Variants in PKHD1 observed in about 807,000 individuals in gnomAD.
PKHD1 encodes the protein PKHD1 ciliary IPT domain containing fibrocystin/polyductin.
Under a neutral mutation model 412.0 loss-of-function variants are expected in PKHD1, and 291 were observed. That is an observed-to-expected ratio of 0.71 (90% CI 0.64 to 0.78). PKHD1 has a LOEUF of 0.78. Ranked by LOEUF, PKHD1 falls within the 30% of genes least tolerant of loss-of-function variation. PKHD1 has a pLI of 0.00. For synonymous variants in PKHD1, 1,777 were observed against 1,821.5 expected, an observed-to-expected ratio of 0.98 and a Z score of 0.62; for missense variants, 4,825 against 4,950.7, an observed-to-expected ratio of 0.97 and a Z score of 0.76.
chr6:52,074,254 T>A (rs1461376449), intron 6 of PKHD1, among the ~76,000 whole-genome samples: 2 of 152,224 alleles, frequency 1.3e-5, no homozygotes, highest in Non-Finnish European at 2.9e-5. Flanking sequence ...ACAAAAAAGA[T>A]GTTCCCTTCC....
chr6:52,056,929 G>A lies in PKHD1; in HGVS notation c.1563C>T (p.Val521=), dbSNP rs768003317. The A allele has an allele frequency of 6.2e-7, 1 of 1,613,972 alleles. No individual in the cohort carries two copies. The highest frequency in any genetic ancestry group is 1.1e-5 in the South Asian group (1 of 91,074). Residue 521 remains valine, a synonymous_variant, in exon 17 of 67, where the codon GTC becomes GTT. Transcript: ENST00000371117. ...CATTTGCAGGGATTGGCTGACTAGA[G>A]ACATTGTCCCAAGTAAGGAAGAAGT... ...RGNFFLTWDN[V]SSQPIPANAT... is the part of the protein sequence containing the mutation.
At chr6:52,034,193 A>ATG (rs1803553044) in intron 28 of PKHD1, among the ~76,000 whole-genome samples, 2 of 146,274 alleles carry the variant, frequency 1.4e-5, no homozygotes, top group Non-Finnish European at 3.0e-5. Context: ...AAAAAAAAAA[A>ATG]GAACTATAAA....
At chr6:51,812,161 C>G (rs2151400804) in intron 52 of PKHD1, among the ~76,000 whole-genome samples, 1 of 152,264 alleles carries the variant, frequency 6.6e-6, no homozygotes, top group South Asian at 2.1e-4. Flanking sequence ...ATTACTTATC[C>G]TCTAAGCTAG....
At chr6:51,955,207 T>A (rs866094141) in intron 36 of PKHD1, among the ~76,000 whole-genome samples, 1,484 of 144,554 alleles carry the variant, frequency 0.01, 25 homozygotes, top group African/African-American at 0.033. Flanking sequence ...ATTTTTTTTT[T>A]AAAAAAGGGA....
At chr6:52,020,051 T>C (rs571562961) in intron 33 of PKHD1, among the ~76,000 whole-genome samples, 1 of 152,212 alleles carries the variant, frequency 6.6e-6, no homozygotes, top group South Asian at 2.1e-4. Context: ...ACCTGGAATG[T>C]GAAACATCAC....
chr6:51,680,652 C>T (rs1041473947), intron 60 of PKHD1, among the ~76,000 whole-genome samples: 4 of 152,016 alleles, frequency 2.6e-5, no homozygotes, highest in Admixed American at 6.6e-5. Flanking sequence ...CAGTAATCAA[C>T]ATGAACAATA....
intron 52 of PKHD1, among the ~76,000 whole-genome samples, chr6:51,791,655 C>T (rs1793769928): frequency 6.6e-6 from 1 of 152,322 alleles, no homozygotes; most frequent in South Asian, 2.1e-4. Flanking sequence ...AGTGGAAACA[C>T]ACAGATCGAA....
chr6:51,722,384 A>G (rs1782035815), intron 60 of PKHD1, among the ~76,000 whole-genome samples: 1 of 152,168 alleles, frequency 6.6e-6, no homozygotes, highest in African/African-American at 2.4e-5. Context: ...ATATAAACGA[A>G]AGTTTGCACA....
intron 40 of PKHD1, among the ~76,000 whole-genome samples, chr6:51,907,612 C>A (rs183324505): frequency 3.0e-4 from 46 of 152,224 alleles, no homozygotes; most frequent in Non-Finnish European, 4.4e-4. Context: ...ATGTAACAAA[C>A]CTGCACATCC....
At chr6:51,830,542 A>G (rs1178500640) in intron 52 of PKHD1, among the ~76,000 whole-genome samples, 1 of 152,182 alleles carries the variant, frequency 6.6e-6, no homozygotes, top group Non-Finnish European at 1.5e-5. Context: ...TTTCAAACTT[A>G]AGGATACTAG....
chr6:51,626,977 T>C lies in PKHD1; in HGVS notation c.11785+20A>G. The C allele has an allele frequency of 6.2e-7, 1 of 1,612,888 alleles. No homozygotes were observed. Among genetic ancestry groups the C allele is most frequent in the Non-Finnish European group, 8.5e-7 (1 of 1,179,056 alleles). On this transcript the variant is annotated intron_variant, in intron 66 of 66. Transcript: ENST00000371117. ...CAGTGGGTCTCTCCTGTGGGGATCA[T>C]CTCCACCCTCCAAGCTTACCTTCTC...
intron 60 of PKHD1, among the ~76,000 whole-genome samples, chr6:51,739,117 T>A (rs1784232689): frequency 7.0e-6 from 1 of 143,214 alleles, no homozygotes; most frequent in African/African-American, 2.7e-5. Flanking sequence ...ATTTATATAT[T>A]TTTTTACATA....
chr6:51,636,754 G>A (rs1041224106), intron 64 of PKHD1, among the ~76,000 whole-genome samples: 1 of 152,234 alleles, frequency 6.6e-6, no homozygotes. Flanking sequence ...TGGAAACAAG[G>A]AGTTACTCTC....
intron 7 of PKHD1, among the ~76,000 whole-genome samples, 156 bp downstream of exon 7, chr6:52,073,307 G>T (rs1036058122): frequency 3.3e-5 from 5 of 152,196 alleles, no homozygotes; most frequent in Admixed American, 3.3e-4. Context: ...AACAAAGTTT[G>T]CTGAAGCCCA....
chr6:52,057,137 G>A (rs985912436), intron 16 of PKHD1, among the ~76,000 whole-genome samples, 158 bp from the exon 17 acceptor site: 1 of 152,232 alleles, frequency 6.6e-6, no homozygotes, highest in Admixed American at 6.5e-5. Context: ...GAGGAACACA[G>A]CATCATTGCC....
chr6:52,031,864 G>T (rs943054915), intron 29 of PKHD1, among the ~76,000 whole-genome samples: 1 of 152,214 alleles, frequency 6.6e-6, no homozygotes, highest in Non-Finnish European at 1.5e-5. Flanking sequence ...GCATTGCATT[G>T]TATGTATCAA....
At chr6:51,877,804 CA>C (rs1776815056) in intron 46 of PKHD1, among the ~76,000 whole-genome samples, 1 of 7,274 alleles carries the variant, frequency 1.4e-4, no homozygotes, top group Non-Finnish European at 2.0e-4. Context: ...AAAAACCCTT[CA>C]AAAAATCAAT....
At chr6:51,882,499 T>C (rs1777532624) in intron 46 of PKHD1, among the ~76,000 whole-genome samples, 1 of 152,202 alleles carries the variant, frequency 6.6e-6, no homozygotes, top group African/African-American at 2.4e-5. Context: ...TATTCTTCCT[T>C]GGCTCCCAAT....
intron 62 of PKHD1, among the ~76,000 whole-genome samples, 159 bp from the exon 63 acceptor site, chr6:51,648,277 GA>G (rs1770394672): frequency 6.6e-6 from 1 of 152,172 alleles, no homozygotes; most frequent in African/African-American, 2.4e-5. Context: ...CTCATGTTAA[GA>G]ATATATCAGA....
Sources: gnomAD v4.1 joint callset for allele counts (sites outside exome capture counted in the v4.1 genomes callset) on GRCh38, gnomAD v4.1.1 for gene constraint, MANE v1.5 for transcripts, NCBI Gene and HGNC (gene_info 2026-07-23, HGNC 2026-07-21) for gene names.